DCC: variants seen among roughly 807,000 people sequenced by gnomAD.
DCC encodes the protein DCC netrin 1 receptor, also known as netrin receptor DCC.
DCC carries 58 observed loss-of-function variants against 172.5 expected under a neutral mutation model. The ratio of observed to expected loss-of-function variants is 0.34; its 90% CI spans 0.27 to 0.42. DCC has a LOEUF of 0.42. DCC is among the 10% of genes least tolerant of loss of function. The pLI, the probability that DCC is intolerant of heterozygous loss-of-function variation, is 1.00. For synonymous variants in DCC, 709 were observed against 644.5 expected (o/e 1.10, Z -1.52); for missense variants, 1,740 against 1,791.0 (o/e 0.97, Z 0.51).
chr18:53,334,382 T>C (rs1367636), intron 14 of DCC, among the ~76,000 whole-genome samples: 94,350 of 152,026 alleles, frequency 0.62, 29,859 homozygotes, highest in African/African-American at 0.68. Context: ...GACTCACTCT[T>C]TTTTTTCTGT....
chr18:52,841,286 T>TAA (rs369740348), intron 2 of DCC, among the ~76,000 whole-genome samples: 26 of 147,788 alleles, frequency 1.8e-4, no homozygotes, highest in Non-Finnish European at 2.3e-4. Flanking sequence ...GTTTTCTGCT[T>TAA]AAAAAAAAAA....
At chr18:53,259,062 G>A (rs981191088) in intron 12 of DCC, among the ~76,000 whole-genome samples, 3 of 151,962 alleles carry the variant, frequency 2.0e-5, no homozygotes, top group Non-Finnish European at 4.4e-5. Flanking sequence ...CCATTTGCTT[G>A]GTAGATCTTC....
chr18:52,815,411 TACACACACACAC>T (rs34924244), intron 2 of DCC, among the ~76,000 whole-genome samples: 13 of 150,010 alleles, frequency 8.7e-5, no homozygotes, highest in Admixed American at 4.6e-4. Context: ...TTCTCACACG[TACACACACACAC>T]ACACACACAC....
At chr18:52,582,408 A>G (rs118177963) in intron 1 of DCC, among the ~76,000 whole-genome samples, 6,568 of 152,278 alleles carry the variant, frequency 0.043, 171 homozygotes, top group Non-Finnish European at 0.054. Flanking sequence ...GGCATTTAGC[A>G]TCTTTAATCT....
chr18:52,774,368 A>C (rs1205608869), intron 2 of DCC, among the ~76,000 whole-genome samples: 1 of 152,094 alleles, frequency 6.6e-6, no homozygotes, highest in Non-Finnish European at 1.5e-5. Flanking sequence ...ACCAAGAAAA[A>C]ACCCCAAGGT....
intron 7 of DCC, among the ~76,000 whole-genome samples, chr18:53,137,340 G>A (rs1217969176): frequency 6.6e-6 from 1 of 152,170 alleles, no homozygotes; most frequent in Non-Finnish European, 1.5e-5. Flanking sequence ...CCATAGGTCT[G>A]AGTTCCCCAT....
intron 5 of DCC, among the ~76,000 whole-genome samples, chr18:53,016,278 T>C (rs1158127382): frequency 1.3e-5 from 2 of 152,118 alleles, no homozygotes; most frequent in African/African-American, 4.8e-5. Flanking sequence ...GGGAAACATA[T>C]TCCACTAAAA....
chr18:52,716,237 C>A (rs947952013), intron 1 of DCC, among the ~76,000 whole-genome samples: 2 of 152,202 alleles, frequency 1.3e-5, no homozygotes, highest in Non-Finnish European at 2.9e-5. Context: ...TCCTTCTTTG[C>A]GTGTGGAACA....
intron 1 of DCC, among the ~76,000 whole-genome samples, chr18:52,351,276 G>T (rs995924695): frequency 6.6e-6 from 1 of 152,198 alleles, no homozygotes; most frequent in Non-Finnish European, 1.5e-5. Context: ...GCTAAGGCTG[G>T]AGAAGACTTT....
intron 5 of DCC, among the ~76,000 whole-genome samples, chr18:52,970,808 A>G (rs949416582): frequency 1.3e-5 from 2 of 152,176 alleles, no homozygotes; most frequent in African/African-American, 2.4e-5. Flanking sequence ...AATTATTTCT[A>G]TGTAGTTAGT....
chr18:53,458,667 T>G (rs1568144905), intron 23 of DCC, among the ~76,000 whole-genome samples: 1 of 152,252 alleles, frequency 6.6e-6, no homozygotes, highest in Non-Finnish European at 1.5e-5. Flanking sequence ...ATCTGGACAC[T>G]CAGTGATGCC....
intron 3 of DCC, among the ~76,000 whole-genome samples, chr18:52,922,669 CT>C (rs1349785280): frequency 6.6e-6 from 1 of 152,122 alleles, no homozygotes; most frequent in African/African-American, 2.4e-5. Context: ...AGCATCTTGT[CT>C]CAAATAAACT....
intron 1 of DCC, among the ~76,000 whole-genome samples, chr18:52,531,609 G>A (rs989135229): frequency 2.8e-4 from 43 of 152,170 alleles, no homozygotes; most frequent in African/African-American, 9.6e-4. Context: ...GTGTGTGTCT[G>A]ATCTATAGCC....
At chr18:53,137,285 C>T (rs1450309047) in intron 7 of DCC, among the ~76,000 whole-genome samples, 1 of 152,212 alleles carries the variant, frequency 6.6e-6, no homozygotes, top group Non-Finnish European at 1.5e-5. Context: ...GGGAATGATC[C>T]ACTTCCAATC....
At chr18:52,973,646 A>ACCTT (rs2041065949) in intron 5 of DCC, among the ~76,000 whole-genome samples, 1 of 152,060 alleles carries the variant, frequency 6.6e-6, no homozygotes, top group Non-Finnish European at 1.5e-5. Flanking sequence ...ACCTGAAGAG[A>ACCTT]CCTTAGTGAT....
At chr18:53,516,549 C>T (rs1238866578) in intron 27 of DCC, among the ~76,000 whole-genome samples, 10 of 151,036 alleles carry the variant, frequency 6.6e-5, no homozygotes, top group Admixed American at 1.3e-4. Flanking sequence ...GCAACCTACT[C>T]ATCTGACAAA....
intron 1 of DCC, among the ~76,000 whole-genome samples, chr18:52,598,634 C>A (rs534354070): frequency 5.9e-5 from 9 of 152,114 alleles, no homozygotes; most frequent in African/African-American, 1.9e-4. Flanking sequence ...TATTCTTCTG[C>A]GGATCATAGC....
chr18:52,514,495 C>A (rs974624753), intron 1 of DCC, among the ~76,000 whole-genome samples: 6 of 152,300 alleles, frequency 3.9e-5, no homozygotes, highest in African/African-American at 1.4e-4. Flanking sequence ...ACCAAATATC[C>A]CCTATGGGGA....
intron 1 of DCC, among the ~76,000 whole-genome samples, chr18:52,710,036 G>A (rs2036269556): frequency 6.6e-6 from 1 of 152,106 alleles, no homozygotes; most frequent in South Asian, 2.1e-4. Context: ...AAATCAATTT[G>A]GCAATTTTTT....
Sources: gnomAD v4.1 joint callset for allele counts (sites outside exome capture counted in the v4.1 genomes callset) on GRCh38, gnomAD v4.1.1 for gene constraint, MANE v1.5 for transcripts, NCBI Gene and HGNC (gene_info 2026-07-23, HGNC 2026-07-21) for gene names.